HCFC2: variants seen among roughly 807,000 people sequenced by gnomAD.
HCFC2 encodes the protein host cell factor 2.
A neutral mutation model predicts 89.2 loss-of-function variants in HCFC2; 18 were observed. That is an observed-to-expected ratio of 0.20 (90% CI 0.14 to 0.30). The LOEUF is 0.30. HCFC2 is among the 10% of genes least tolerant of loss of function. The pLI, the probability that HCFC2 is intolerant of heterozygous loss-of-function variation, is 1.00. For missense variants in HCFC2, 578 were observed against 956.1 expected, an observed-to-expected ratio of 0.60 and a Z score of 5.21; for synonymous variants, 308 against 335.7, an observed-to-expected ratio of 0.92 and a Z score of 0.90.
chr12:104,075,731 A>T (rs1286497498), intron 3 of HCFC2, among the ~76,000 whole-genome samples: 6 of 152,152 alleles, frequency 3.9e-5, no homozygotes, highest in Non-Finnish European at 8.8e-5. Flanking sequence ...AGGTGCTGGG[A>T]TTACCCGCTT....
chr12:104,098,002 A>G (rs1565815751), intron 12 of HCFC2: 1 of 175,404 alleles, frequency 5.7e-6, no homozygotes, highest in Non-Finnish European at 1.2e-5. Flanking sequence ...ATGTTACGCT[A>G]AAGGAATTAC....
At chr12:104,079,363 T>G in intron 3 of HCFC2, 82 bp from the exon 4 acceptor site, 2 of 1,155,414 alleles carry the variant, frequency 1.7e-6, no homozygotes, top group South Asian at 3.1e-5. Context: ...AGTAAGCACA[T>G]TTTATCTTTA....
At chr12:104,071,624 G>T (rs755837060) in intron 3 of HCFC2, among the ~76,000 whole-genome samples, 14 of 152,298 alleles carry the variant, frequency 9.2e-5, no homozygotes, top group South Asian at 2.1e-4. Flanking sequence ...GTCTCACTCT[G>T]TTATCCAGGC....
At chr12:104,083,022 G>A (rs1428600150) in intron 7 of HCFC2, 121 bp downstream of exon 7, 1 of 665,726 alleles carries the variant, frequency 1.5e-6, no homozygotes, top group East Asian at 2.7e-5. Context: ...ATGAATGGAA[G>A]AAACAATATG....
intron 3 of HCFC2, among the ~76,000 whole-genome samples, chr12:104,076,433 A>AT (rs11453149): frequency 0.4 from 60,390 of 152,076 alleles, 12,081 homozygotes; most frequent in South Asian, 0.51. Context: ...TTTGTTGCAG[A>AT]TTGTCTTTTG....
In HCFC2 at chr12:104,102,951, C is replaced by CA. The variant is rs757527273; in HGVS notation, c.2065-8_2065-7insA. ...ACCTTTAACCTGTTTTTTCCCCCCC[C>CA]CTTCAAGAATGTTGAAGGTATCCAC... On this transcript the variant is annotated splice_polypyrimidine_tract_variant and splice_region_variant and intron_variant, in intron 14 of 14. Coordinates refer to ENST00000229330, the MANE Select transcript of HCFC2 (RefSeq NM_013320.3). 5.7e-6 allele frequency: 9 copies of CA among 1,592,268 alleles called. No homozygotes were observed. The South Asian group carries it at 7.9e-5, about 14-fold the overall frequency.
chr12:104,088,167 T>G, intron 9 of HCFC2, 129 bp downstream of exon 9: 1 of 438,796 alleles, frequency 2.3e-6, no homozygotes, highest in East Asian at 3.9e-5. Context: ...GAGTTATCTC[T>G]GAGGTAAACA....
rs749402359 is a variant in HCFC2, at chr12:104,092,570, C to G, written c.1285-816C>G. On this transcript the variant is annotated intron_variant, in intron 9 of 14. Coordinates refer to ENST00000229330, the MANE Select transcript of HCFC2 (RefSeq NM_013320.3). ...GGTGGACCACCTGAGGTCAGGAGTT[C>G]AAGACCAGCCTGGCCAACATGGTGA... Among the ~76,000 whole-genome samples, 93 of 152,226 alleles carry G rather than the reference C, an allele frequency of 6.1e-4. 1 individual carries two copies. The Middle Eastern group carries it at 0.017, about 28-fold the overall frequency.
In HCFC2 at chr12:104,064,571, C is replaced by T. The variant is rs904342667; in HGVS notation, c.11C>T (p.Pro4Leu). 2.6e-6 allele frequency: 4 copies of T among 1,540,476 alleles called. No homozygotes were observed. The highest frequency in any genetic ancestry group is 1.8e-4 in the Middle Eastern group (1 of 5,532). MAA[P>L]SLLNWRRVSS... ...GCGGGGGTTGGGAAGATGGCGGCTC[C>T]CAGCCTCCTCAACTGGAGGCGAGTT... is the stretch of plus-strand genomic sequence containing the variant. Residue 4 changes from proline (P) to leucine (L), a missense_variant, in exon 1 of 15, where the codon CCC becomes CTC. Pro to Leu is a moderately conservative substitution (Grantham distance 98, BLOSUM62 -3). Transcript: ENST00000229330. The surrounding 1 kb of genome is among the most constrained non-coding windows in gnomAD (Gnocchi z 7.3).
chr12:104,088,180 C>T (rs1020018756), intron 9 of HCFC2, 142 bp downstream of exon 9: 3 of 413,702 alleles, frequency 7.3e-6, no homozygotes, highest in Admixed American at 9.0e-5. Context: ...GGTAAACAAA[C>T]AAACAAACAC....
chr12:104,096,574 T>C, intron 12 of HCFC2, 141 bp downstream of exon 12: 1 of 560,760 alleles, frequency 1.8e-6, no homozygotes, highest in Non-Finnish European at 3.2e-6. Flanking sequence ...AATGATTGAA[T>C]AGGAAAATGT....
chr12:104,079,470 G>A lies in HCFC2; in HGVS notation c.499G>A (p.Glu167Lys). 1 of 1,613,754 alleles carries A rather than the reference G, an allele frequency of 6.2e-7. No homozygotes were observed. Residue 167 changes from glutamate to lysine, a missense_variant, in exon 4 of 15, where the codon GAG becomes AAG. Coordinates refer to ENST00000229330, the MANE Select transcript of HCFC2 (RefSeq NM_013320.3). ...ATATTTAAATGATTTTTATGAGTTGGAGCTACAGCATGGCTCTGGTGTTGT... is the reference window on the plus strand; with the variant it reads ...ATATTTAAATGATTTTTATGAGTTGAAGCTACAGCATGGCTCTGGTGTTGT... ...PRYLNDFYELELQHGSGVVGW... is the reference protein window; with the variant it reads ...PRYLNDFYELKLQHGSGVVGW...
Position 104,103,555 on chromosome 12 carries a change from C to G in HCFC2, c.*282C>G. On this transcript the variant is annotated 3_prime_UTR_variant, in exon 15 of 15. Transcript: ENST00000229330. ...TAAAAGCTAGAAAGCTTTATTACCCCAATATCTTTTATAAGGGCTGTGTAA... is the reference window on the plus strand; with the variant it reads ...TAAAAGCTAGAAAGCTTTATTACCCGAATATCTTTTATAAGGGCTGTGTAA... 1 of 348,492 alleles carries G rather than the reference C, an allele frequency of 2.9e-6. No individual in the cohort carries two copies. The highest frequency in any genetic ancestry group is 5.3e-6 in the Non-Finnish European group (1 of 190,372). 21.6% of individuals were successfully genotyped at this position (348,492 alleles called of 1,614,324 possible).
chr12:104,091,715 A>C (rs947854889), intron 9 of HCFC2, among the ~76,000 whole-genome samples: 1 of 152,184 alleles, frequency 6.6e-6, no homozygotes, highest in African/African-American at 2.4e-5. Flanking sequence ...AAATAAACCA[A>C]ATTCGAATTC....
Position 104,104,680 on chromosome 12 carries a change from T to C in HCFC2, c.*1407T>C, listed in dbSNP as rs1418118357. The C allele has an allele frequency of 6.6e-6, 1 of 152,002 alleles. No homozygotes were observed. Among genetic ancestry groups the C allele is most frequent in the Non-Finnish European group, 1.5e-5 (1 of 67,860 alleles). The allele number at this position is 152,002 out of a possible 1,614,324, so 9.4% of individuals were successfully genotyped here. A position where few individuals can be genotyped will look rare whatever the true frequency, so the allele number is the denominator to read the frequency against. On this transcript the variant is annotated 3_prime_UTR_variant, in exon 15 of 15. Transcript: ENST00000229330. ...GTTCCAGTTACTAATTTAAAGTGTA[T>C]AGAATATTTTAATATATAATTTTTG...
chr12:104,083,174 G>A (rs990629478), intron 7 of HCFC2, among the ~76,000 whole-genome samples: 4 of 152,052 alleles, frequency 2.6e-5, no homozygotes, highest in Admixed American at 1.3e-4. Flanking sequence ...CGAGAAACCT[G>A]GCAAGCATGA....
intron 12 of HCFC2, chr12:104,098,045 T>C (rs902548284): frequency 4.2e-6 from 1 of 238,830 alleles, no homozygotes; most frequent in African/African-American, 2.2e-5. Context: ...ATGACAATGT[T>C]CTATAAAATA....
chr12:104,098,068 A>T (rs1019210109), intron 12 of HCFC2: 6 of 292,804 alleles, frequency 2.0e-5, no homozygotes, highest in Non-Finnish European at 3.1e-5. Context: ...TGGCATTTTA[A>T]CATATCACTG....
At position 104,095,627 on chromosome 12, in the gene HCFC2, C is replaced by A; in HGVS notation, c.1666+64C>A. 2 of 1,323,692 alleles carry A rather than the reference C, an allele frequency of 1.5e-6. No homozygotes were observed. Among genetic ancestry groups the A allele is most frequent in the Non-Finnish European group, 2.1e-6 (2 of 943,608 alleles). The allele number at this position is 1,323,692 out of a possible 1,614,324, so 82.0% of individuals were successfully genotyped here. A position where few individuals can be genotyped will look rare whatever the true frequency, so the allele number is the denominator to read the frequency against. On this transcript the variant is annotated intron_variant, in intron 11 of 14. Transcript: ENST00000229330. The surrounding 1 kb of genome is among the most constrained non-coding windows in gnomAD (Gnocchi z 4.2). ...TATGTATATAAATTCATCAAACTTA[C>A]TTGTCTTAGATGGGAGTTGCATTTC... is the stretch of plus-strand genomic sequence containing the variant.
Sources: allele counts gnomAD v4.1 joint callset (sites outside exome capture counted in the v4.1 genomes callset), GRCh38; gene constraint gnomAD v4.1.1; non-coding constraint Gnocchi (gnomAD v3.1); transcripts MANE v1.5; gene names NCBI Gene and HGNC (gene_info 2026-07-23, HGNC 2026-07-21).